FOXP2: variants seen among roughly 807,000 people sequenced by gnomAD.
FOXP2 encodes the protein forkhead box protein P2.
In FOXP2, 12 loss-of-function variants were observed where a neutral mutation model predicts 115.8. That is an observed-to-expected ratio of 0.10 (90% CI 0.07 to 0.17). The LOEUF (loss-of-function observed/expected upper bound fraction) is 0.17. FOXP2 is among the 10% of genes least tolerant of loss of function. The probability of loss-of-function intolerance (pLI) is 1.00; values close to 1 mark genes in which losing one functional copy is unlikely to be tolerated. For synonymous variants in FOXP2, 328 were observed against 297.7 expected (o/e 1.10, Z -1.05); for missense variants, 629 against 843.5 (o/e 0.75, Z 3.15).
intron 16 of FOXP2, among the ~76,000 whole-genome samples, chr7:114,676,488 TA>T (rs1425082430): frequency 1.3e-5 from 2 of 152,146 alleles, no homozygotes; most frequent in Admixed American, 6.5e-5. Flanking sequence ...GTTTCCATAA[TA>T]AAATTGAAGC....
rs187760223 is a variant in FOXP2 at position 114,201,470 on chromosome 7, T to C, written c.-102+38382T>C. Among the ~76,000 whole-genome samples, 29 of 152,288 alleles carry C rather than the reference T, an allele frequency of 1.9e-4. No homozygotes were observed. In the East Asian group the frequency reaches 5.4e-3, roughly 28 times the overall value. The stretch of plus-strand genomic sequence containing the variant: ...GAGTGAGACCCTGTCTCTAAAAAAA[T>C]GTTAAATTTTTTTGTAAAATAATCA... On this transcript the variant is annotated intron_variant, in intron 1 of 17. Transcript: ENST00000634411.
At chr7:114,635,872 G>T (rs1214460790) in intron 6 of FOXP2, among the ~76,000 whole-genome samples, 1 of 152,122 alleles carries the variant, frequency 6.6e-6, no homozygotes, top group Non-Finnish European at 1.5e-5. Context: ...TATCCATCAA[G>T]CTTTTGAAAT....
rs572229495 is a variant in FOXP2 at position 114,205,129 on chromosome 7, C to T, written c.-102+42041C>T. On this transcript the variant is annotated intron_variant, in intron 1 of 17. Coordinates refer to the FOXP2 transcript ENST00000634411. The stretch of plus-strand genomic sequence containing the variant: ...TTTTTACTGAAATTTGGAAATATGT[C>T]TCCATATTTTAACTTTATTTTATAA... Among the ~76,000 whole-genome samples the T allele has an allele frequency of 2.0e-5, 3 of 152,086 alleles. No individual in the cohort carries two copies. In the South Asian group the frequency reaches 6.2e-4, roughly 32 times the overall value.
At chr7:114,461,852 T>C (rs1182879979) in intron 2 of FOXP2, among the ~76,000 whole-genome samples, 4 of 152,154 alleles carry the variant, frequency 2.6e-5, no homozygotes, top group African/African-American at 9.7e-5. Flanking sequence ...CTCTCTTTTA[T>C]TAATCTTATT....
chr7:114,494,542 A>C (rs1584806458), intron 2 of FOXP2, among the ~76,000 whole-genome samples: 2 of 152,176 alleles, frequency 1.3e-5, no homozygotes, highest in Non-Finnish European at 2.9e-5. Context: ...TGGAATAAAC[A>C]TTGAAAACTA....
At chr7:114,324,890 G>T (rs1219850273) in intron 2 of FOXP2, among the ~76,000 whole-genome samples, 1 of 151,716 alleles carries the variant, frequency 6.6e-6, no homozygotes, top group African/African-American at 2.4e-5. Context: ...GTTCCTTTGG[G>T]AGATAAATGT....
chr7:114,600,270 C>A (rs962847951), intron 3 of FOXP2, among the ~76,000 whole-genome samples: 1 of 152,136 alleles, frequency 6.6e-6, no homozygotes, highest in Non-Finnish European at 1.5e-5. Flanking sequence ...TGGAATCATA[C>A]AATATGCAGC....
At chr7:114,530,529 GA>G (rs145117956) in intron 2 of FOXP2, among the ~76,000 whole-genome samples, 1,605 of 151,230 alleles carry the variant, frequency 0.011, 26 homozygotes, top group African/African-American at 0.037. Flanking sequence ...TATTTACTTT[GA>G]AAAAAAAGTT....
intron 16 of FOXP2, among the ~76,000 whole-genome samples, chr7:114,673,947 C>A (rs1209219152): frequency 6.6e-6 from 1 of 152,150 alleles, no homozygotes; most frequent in Non-Finnish European, 1.5e-5. Context: ...GGTGATCCAC[C>A]CGCCTCGACC....
chr7:114,341,009 T>A (rs2694936), intron 2 of FOXP2, among the ~76,000 whole-genome samples: 85,626 of 150,830 alleles, frequency 0.57, 25,198 homozygotes, highest in East Asian at 0.84. Context: ...TTTAAAAAAA[T>A]ATTCTGATGA....
chr7:114,682,654 T>C (rs1391001097), intron 16 of FOXP2, among the ~76,000 whole-genome samples: 7 of 152,064 alleles, frequency 4.6e-5, no homozygotes, highest in Admixed American at 4.6e-4. Flanking sequence ...TATCCTATAA[T>C]GGGGCAAAAA....
At chr7:114,663,562 C>CTTT in intron 15 of FOXP2, 43 bp downstream of exon 15, 6 of 1,042,972 alleles carry the variant, frequency 5.8e-6, no homozygotes, top group East Asian at 2.5e-5. Flanking sequence ...ATGTTTAGGG[C>CTTT]TTTTTTTTTT....
intron 1 of FOXP2, among the ~76,000 whole-genome samples, chr7:114,280,371 T>A (rs139332120): frequency 6.6e-6 from 1 of 152,110 alleles, no homozygotes; most frequent in Admixed American, 6.6e-5. Context: ...AGTGACAGTG[T>A]CAAGAGCACT....
intron 3 of FOXP2, among the ~76,000 whole-genome samples, chr7:114,614,339 CCAACTGTAGTACGT>C: frequency 6.6e-6 from 1 of 152,140 alleles, no homozygotes; most frequent in East Asian, 1.9e-4. Flanking sequence ...ATATTTTCTA[CCAACTGTAGTACGT>C]TGCCCCTTTT....
At chr7:114,674,809 G>T (rs1370275747) in intron 16 of FOXP2, among the ~76,000 whole-genome samples, 3 of 151,982 alleles carry the variant, frequency 2.0e-5, no homozygotes, top group South Asian at 2.1e-4. Flanking sequence ...TGTGGAGAAA[G>T]CCTGGTTTAT....
chr7:114,491,075 C>G (rs923437171), intron 2 of FOXP2, among the ~76,000 whole-genome samples: 3 of 152,308 alleles, frequency 2.0e-5, no homozygotes, highest in African/African-American at 7.2e-5. Context: ...CCTGAGGAAT[C>G]GCCACACTGA....
At chr7:114,445,765 C>T (rs1353917409) in intron 2 of FOXP2, among the ~76,000 whole-genome samples, 1 of 151,934 alleles carries the variant, frequency 6.6e-6, no homozygotes, top group Admixed American at 6.6e-5. Context: ...ATAGTATAAT[C>T]CTATTCTTCT....
intron 3 of FOXP2, among the ~76,000 whole-genome samples, chr7:114,594,479 G>A (rs1292903809): frequency 6.6e-6 from 1 of 152,052 alleles, no homozygotes; most frequent in East Asian, 1.9e-4. Flanking sequence ...TGTTGAGCAG[G>A]GAAGTATACT....
At chr7:114,446,213 T>C (rs1794830471) in intron 2 of FOXP2, among the ~76,000 whole-genome samples, 1 of 152,064 alleles carries the variant, frequency 6.6e-6, no homozygotes. Context: ...AATTCTAAAG[T>C]CCCTGCAAAG....
Sources: gnomAD v4.1 joint callset for allele counts (sites outside exome capture counted in the v4.1 genomes callset) on GRCh38, gnomAD v4.1.1 for gene constraint, MANE v1.5 for transcripts, NCBI Gene and HGNC (gene_info 2026-07-23, HGNC 2026-07-21) for gene names.